The following NFKBIE variants were observed in gnomAD, a reference collection of about 807,000 sequenced individuals.
NFKBIE encodes the protein NF-kappa-B inhibitor epsilon.
In NFKBIE, 11 loss-of-function variants were observed where a neutral mutation model predicts 31.6. The observed-to-expected ratio is 0.35, with a 90% CI of 0.22 to 0.58. The LOEUF is 0.58. Among genes scored for constraint, NFKBIE ranks in the 20% least tolerant of loss-of-function variants. The pLI is 0.83. For synonymous variants in NFKBIE, 208 were observed against 210.1 expected, an observed-to-expected ratio of 0.99 and a Z score of 0.09; for missense variants, 354 against 465.7, an observed-to-expected ratio of 0.76 and a Z score of 2.21.
rs114572607 is a variant in NFKBIE, at chr6:44,260,133, G to A, written c.930C>T (p.Leu310=). 2 of 1,614,242 alleles carry A rather than the reference G, an allele frequency of 1.2e-6. No individual in the cohort carries two copies. The highest frequency in any genetic ancestry group is 1.7e-6 in the Non-Finnish European group (2 of 1,180,040). ...TPLHLAAGRG[L]MGISSTLCKA... ...TGCACAGAGTGGATGAGATGCCCAT[G>A]AGACCCCGGCCAGCTGCCAGGTGCA... The change falls in exon 5 of 6, where the codon CTC becomes CTT. Residue 310 remains leucine, a synonymous_variant. Coordinates refer to ENST00000619360, the MANE Select transcript of NFKBIE (RefSeq NM_004556.3). This position sits in a 1 kb window ranked among gnomAD's most constrained non-coding sequence, Gnocchi z 5.5.
chr6:44,260,307 C>G lies in NFKBIE; in HGVS notation c.781-25G>C. The G allele has an allele frequency of 6.2e-7, 1 of 1,606,012 alleles. No homozygotes were observed. The highest frequency in any genetic ancestry group is 8.5e-7 in the Non-Finnish European group (1 of 1,173,648). On this transcript the variant is annotated intron_variant, in intron 4 of 5. Coordinates refer to ENST00000619360, the MANE Select transcript of NFKBIE (RefSeq NM_004556.3). The surrounding 1 kb of genome is among the most constrained non-coding windows in gnomAD (Gnocchi z 5.5). ...CCTGGGGAGGAATAAGGATGTCAGCCAAGGCCCTCAGAGGCAGTGTGCTGG... is the reference window on the plus strand; with the variant it reads ...CCTGGGGAGGAATAAGGATGTCAGCGAAGGCCCTCAGAGGCAGTGTGCTGG...
Position 44,260,544 on chromosome 6 carries a change from G to A in NFKBIE, c.692-5C>T, listed in dbSNP as rs988663555. The stretch of plus-strand genomic sequence containing the variant: ...CAATGTGGAGACAAGCCAGACCTGG[G>A]ATGGGGTGAGAGTGAGGGTGAGGGC... On this transcript the variant is annotated splice_polypyrimidine_tract_variant and splice_region_variant and intron_variant, in intron 3 of 5. Transcript: ENST00000619360. The surrounding 1 kb of genome is among the most constrained non-coding windows in gnomAD (Gnocchi z 5.5). 2.5e-5 allele frequency: 41 copies of A among 1,614,008 alleles called. No homozygotes were observed. Among genetic ancestry groups the A allele is most frequent in the Non-Finnish European group, 3.4e-5 (40 of 1,179,946 alleles).
intron 5 of NFKBIE, 122 bp downstream of exon 5, chr6:44,259,921 T>C: frequency 7.2e-7 from 1 of 1,392,900 alleles, no homozygotes. Context: ...CCACAGTTGG[T>C]CAGTGGCAGA....
chr6:44,261,311 T>G lies in NFKBIE; in HGVS notation c.691+315A>C, dbSNP rs984099008. ...ACAGATGCAAGTGTAGCTCCTAGGA[T>G]AACGTCTGGCACATAGAAAACCCTC... On this transcript the variant is annotated intron_variant, in intron 3 of 5. Coordinates refer to ENST00000619360, the MANE Select transcript of NFKBIE (RefSeq NM_004556.3). This position sits in a 1 kb window ranked among gnomAD's most constrained non-coding sequence, Gnocchi z 4.3. Among the ~76,000 whole-genome samples the G allele has an allele frequency of 6.6e-5, 10 of 152,224 alleles. No homozygotes were observed. Among genetic ancestry groups the G allele is most frequent in the Non-Finnish European group, 1.3e-4 (9 of 68,032 alleles).
At chr6:44,259,954 C>T in intron 5 of NFKBIE, 89 bp downstream of exon 5, 1 of 1,530,924 alleles carries the variant, frequency 6.5e-7, no homozygotes. Context: ...CCCCAGGACT[C>T]CTGGCTCCCT....
At chr6:44,262,146 CT>C (rs1271213080) in intron 2 of NFKBIE, among the ~76,000 whole-genome samples, 1 of 152,144 alleles carries the variant, frequency 6.6e-6, no homozygotes, top group Non-Finnish European at 1.5e-5. Context: ...GCCCCTCACC[CT>C]GTGAGGAGAC....
chr6:44,262,971 G>A (rs28385698), intron 1 of NFKBIE, among the ~76,000 whole-genome samples: 2,861 of 152,330 alleles, frequency 0.019, 39 homozygotes, highest in Non-Finnish European at 0.029. Context: ...TCAGGGCTCT[G>A]CCGAGCCAGC....
At position 44,262,599 on chromosome 6, in the gene NFKBIE, C is replaced by T; in HGVS notation, c.429G>A (p.Leu143=). Residue 143 remains leucine (L), a synonymous_variant, in exon 2 of 6, where the codon CTG becomes CTA. Transcript: ENST00000619360. ...TTTGAATGTCCAGGACCTCCTGGGGCAGCAAAGCCAGGCAACAGAGCAGCA... is the reference window on the plus strand; with the variant it reads ...TTTGAATGTCCAGGACCTCCTGGGGTAGCAAAGCCAGGCAACAGAGCAGCA... ...PAVLLCCLAL[L]PQEVLDIQNN... is the part of the protein sequence containing the mutation. 1 of 1,614,158 alleles carries T rather than the reference C, an allele frequency of 6.2e-7. No homozygotes were observed. The highest frequency in any genetic ancestry group is 8.5e-7 in the Non-Finnish European group (1 of 1,179,994).
In NFKBIE at chr6:44,260,548, G is replaced by A. The variant is rs1781859507; in HGVS notation, c.692-9C>T. 2 of 1,613,730 alleles carry A rather than the reference G, an allele frequency of 1.2e-6. No individual in the cohort carries two copies. Among genetic ancestry groups the A allele is most frequent in the African/African-American group, 1.3e-5 (1 of 74,864 alleles). On this transcript the variant is annotated splice_polypyrimidine_tract_variant and intron_variant, in intron 3 of 5. Transcript: ENST00000619360. The surrounding 1 kb of genome is among the most constrained non-coding windows in gnomAD (Gnocchi z 5.5). ...GTGGAGACAAGCCAGACCTGGGATGGGGTGAGAGTGAGGGTGAGGGCTGCT... is the reference window on the plus strand; with the variant it reads ...GTGGAGACAAGCCAGACCTGGGATGAGGTGAGAGTGAGGGTGAGGGCTGCT...
In NFKBIE at chr6:44,263,830, A is replaced by G. The variant is rs1583009895; in HGVS notation, c.365+1152T>C. On this transcript the variant is annotated intron_variant, in intron 1 of 5. Coordinates refer to ENST00000619360, the MANE Select transcript of NFKBIE (RefSeq NM_004556.3). The surrounding 1 kb of genome is among the most constrained non-coding windows in gnomAD (Gnocchi z 5.0). ...ACACAACACCTGCTTCTAACTAGAG[A>G]TGGAAAAGGCTGGGGCTGAGAGGCT... 6.6e-6 allele frequency among the ~76,000 whole-genome samples: 1 copy of G among 152,080 alleles called. No homozygotes were observed. The highest frequency in any genetic ancestry group is 1.9e-4 in the East Asian group (1 of 5,184).
chr6:44,260,129 C>G lies in NFKBIE; in HGVS notation c.934G>C (p.Gly312Arg), dbSNP rs764383435. Residue 312 changes from glycine to arginine, a missense_variant, in exon 5 of 6, where the codon GGC becomes CGC. This residue lies in a region of NFKBIE where 183 missense variants were observed against 310.6 expected (regional missense o/e 0.59). Transcript: ENST00000619360. This position sits in a 1 kb window ranked among gnomAD's most constrained non-coding sequence, Gnocchi z 5.5. ...LHLAAGRGLMGISSTLCKAGA... is the reference protein window; with the variant it reads ...LHLAAGRGLMRISSTLCKAGA... ...GCCTTGCACAGAGTGGATGAGATGC[C>G]CATGAGACCCCGGCCAGCTGCCAGG... 4 of 1,614,102 alleles carry G rather than the reference C, an allele frequency of 2.5e-6. No individual in the cohort carries two copies. The highest frequency in any genetic ancestry group is 3.4e-6 in the Non-Finnish European group (4 of 1,180,044).
rs752574406 is a variant in NFKBIE, at chr6:44,261,577, C to T, written c.691+49G>A. The T allele has an allele frequency of 3.8e-6, 6 of 1,587,992 alleles. No individual in the cohort carries two copies. In the African/African-American group the frequency reaches 4.0e-5, roughly 11 times the overall value. ...AAGAGTGAGGTCCCTATCTCCTATG[C>T]CCTCCTCATCCCACAGGCCCTAAGG... On this transcript the variant is annotated intron_variant, in intron 3 of 5. Transcript: ENST00000619360. This position sits in a 1 kb window ranked among gnomAD's most constrained non-coding sequence, Gnocchi z 4.3.
chr6:44,262,566 A>G lies in NFKBIE; in HGVS notation c.462T>C (p.Leu154=), dbSNP rs1326252078. ...ACATTCTCTCGCCACCAACCTGGTA[A>G]AGGTTATTTTGAATGTCCAGGACCT... ...PQEVLDIQNN[L]YQTALHLAVH... is the part of the protein sequence containing the mutation. The change falls in exon 2 of 6, where the codon CTT becomes CTC. Residue 154 remains leucine, a synonymous_variant. Transcript: ENST00000619360. 3.1e-6 allele frequency: 5 copies of G among 1,613,642 alleles called. No individual in the cohort carries two copies. The South Asian group carries it at 5.5e-5, about 18-fold the overall frequency.
rs1033190765 is a variant in NFKBIE, at chr6:44,260,826, A to C, written c.692-287T>G. Among the ~76,000 whole-genome samples the C allele has an allele frequency of 2.5e-5, 3 of 119,122 alleles. No homozygotes were observed. The highest frequency in any genetic ancestry group is 9.1e-5 in the Admixed American group (1 of 10,982). The allele number at this position is 119,122 out of a possible 152,430, so 78.1% of individuals were successfully genotyped here. On this transcript the variant is annotated intron_variant, in intron 3 of 5. Transcript: ENST00000619360. This position sits in a 1 kb window ranked among gnomAD's most constrained non-coding sequence, Gnocchi z 5.5. Reference sequence around the variant, plus strand: ...CACCCTCCTCCTATACACAAACTACAACACACACACACACACACACACACA... The same window carrying C: ...CACCCTCCTCCTATACACAAACTACCACACACACACACACACACACACACA...
At position 44,260,360 on chromosome 6, in the gene NFKBIE, G is replaced by A; in HGVS notation, c.781-78C>T. 1 of 1,611,270 alleles carries A rather than the reference G, an allele frequency of 6.2e-7. No individual in the cohort carries two copies. Among genetic ancestry groups the A allele is most frequent in the Non-Finnish European group, 8.5e-7 (1 of 1,177,780 alleles). On this transcript the variant is annotated intron_variant, in intron 4 of 5. Transcript: ENST00000619360. This position sits in a 1 kb window ranked among gnomAD's most constrained non-coding sequence, Gnocchi z 5.5. Reference sequence around the variant, plus strand: ...CTGGGCTCTGGATAAGGAAGTGAATGCCACCACTTCTGACTGCTGGGCAGG... The same window carrying A: ...CTGGGCTCTGGATAAGGAAGTGAATACCACCACTTCTGACTGCTGGGCAGG...
rs919026010 is a variant in NFKBIE, at chr6:44,259,157, G to A, written c.*62C>T. ...CATAGCCTGGGCCCAAACTGCAGCAGTTATGGCTCCGGCTTCCAGATGGAG... is the reference window on the plus strand; with the variant it reads ...CATAGCCTGGGCCCAAACTGCAGCAATTATGGCTCCGGCTTCCAGATGGAG... On this transcript the variant is annotated 3_prime_UTR_variant, in exon 6 of 6. Transcript: ENST00000619360. 1 of 1,579,600 alleles carries A rather than the reference G, an allele frequency of 6.3e-7. No homozygotes were observed. The highest frequency in any genetic ancestry group is 8.7e-7 in the Non-Finnish European group (1 of 1,150,624).
intron 1 of NFKBIE, 38 bp downstream of exon 1, chr6:44,264,944 G>T: frequency 6.5e-7 from 1 of 1,543,354 alleles, no homozygotes; most frequent in Non-Finnish European, 8.7e-7. Context: ...GGCAGGCCCA[G>T]AGTTAGCATC....
rs1241410961 is a variant in NFKBIE, at chr6:44,260,257, A to G, written c.806T>C (p.Leu269Pro). The stretch of plus-strand genomic sequence containing the variant: ...CTCTTGGGTTTCCACAGCCAGGTGC[A>G]GCGCTGTCTTACCACTGGTGCCCTC... ...VQEGTSGKTA[L>P]HLAVETQERG... The change falls in exon 5 of 6, where the codon CTG becomes CCG. Residue 269 changes from leucine (L) to proline (P), a missense_variant. By Grantham distance (98) the Leu-to-Pro change is moderately conservative (BLOSUM62 -3). Transcript: ENST00000619360. The surrounding 1 kb of genome is among the most constrained non-coding windows in gnomAD (Gnocchi z 5.5). 6.2e-7 allele frequency: 1 copy of G among 1,612,318 alleles called. No individual in the cohort carries two copies.
In NFKBIE at chr6:44,265,220, C is replaced by G; in HGVS notation, c.127G>C (p.Gly43Arg). Residue 43 changes from glycine to arginine, a missense_variant, in exon 1 of 6, where the codon GGC (glycine) becomes CGC (arginine). Gly to Arg is a moderately radical substitution (Grantham distance 125). Transcript: ENST00000619360. The stretch of plus-strand genomic sequence containing the variant: ...GGATGGGTGCAGGGCTGGGGGCTGC[C>G]GTCCGAGGGCCCGGAGGCTGGAGCC... ...TSAPASGPSD[G>R]SPQPCTHPPG... 1 of 1,552,136 alleles carries G rather than the reference C, an allele frequency of 6.4e-7. No homozygotes were observed. Among genetic ancestry groups the G allele is most frequent in the Non-Finnish European group, 8.7e-7 (1 of 1,147,300 alleles).
Sources: gnomAD v4.1 joint callset for allele counts (sites outside exome capture counted in the v4.1 genomes callset) on GRCh38, gnomAD v4.1.1 for gene constraint, gnomAD v4.1.1 regional missense constraint, Gnocchi (gnomAD v3.1) non-coding constraint, MANE v1.5 for transcripts, NCBI Gene and HGNC (gene_info 2026-07-23, HGNC 2026-07-21) for gene names.